The following UPP1 variants were observed in gnomAD, a reference collection of about 807,000 sequenced individuals.
UPP1 encodes the protein UPase 1.
Under a neutral mutation model 29.6 loss-of-function variants are expected in UPP1, and 25 were observed. That is an observed-to-expected ratio of 0.85 (90% CI 0.62 to 1.18). The LOEUF is 1.18. Among genes scored for constraint, UPP1 ranks in the 50% most tolerant of loss-of-function variants. UPP1 has a pLI of 0.00. For synonymous variants in UPP1, 165 were observed against 159.8 expected (o/e 1.03, Z -0.25); for missense variants, 368 against 410.4 (o/e 0.90, Z 0.89).
At chr7:48,104,748 G>A (rs531737809) in intron 6 of UPP1, 5 of 152,336 alleles carry the variant, frequency 3.3e-5, no homozygotes, top group African/African-American at 9.6e-5. Flanking sequence ...ACGGCCATGA[G>A]CTGTCTCGGT....
Position 48,103,301 on chromosome 7 carries a change from G to T in UPP1, c.326G>T (p.Gly109Val). The T allele has an allele frequency of 1.2e-6, 2 of 1,613,688 alleles. No homozygotes were observed. The highest frequency in any genetic ancestry group is 1.7e-6 in the Non-Finnish European group (2 of 1,179,608). The change falls in exon 6 of 9, where the codon GGT becomes GTT. Residue 109 changes from glycine to valine, a missense_variant. Transcript: ENST00000395564. ...GGTGTTTCTCCCTGGTTCCAGCATG[G>T]TATGGGCATTCCTTCTATCTCAATC... ...KVGPVLSVSH[G>V]MGIPSISIML...
At chr7:48,107,712 G>C (rs1792844269) in intron 8 of UPP1, among the ~76,000 whole-genome samples, 2 of 152,182 alleles carry the variant, frequency 1.3e-5, no homozygotes, top group African/African-American at 4.8e-5. Context: ...CAAAATGCAG[G>C]ATTCTCAGTG....
intron 5 of UPP1, 64 bp from the exon 6 acceptor site, chr7:48,103,233 A>G (rs1792530672): frequency 5.7e-6 from 7 of 1,233,206 alleles, no homozygotes; most frequent in Non-Finnish European, 8.4e-6. Context: ...CACATGAAAC[A>G]TCAGCCAGAA....
At chr7:48,090,574 C>T (rs112159121) in intron 2 of UPP1, among the ~76,000 whole-genome samples, 64 of 152,160 alleles carry the variant, frequency 4.2e-4, no homozygotes, top group Non-Finnish European at 8.7e-4. Context: ...TTAAAAAGAC[C>T]ATTGGTTCCA....
At chr7:48,099,856 G>A in intron 4 of UPP1, 69 bp downstream of exon 4, 1 of 1,012,558 alleles carries the variant, frequency 9.9e-7, no homozygotes, top group Non-Finnish European at 1.5e-6. Context: ...TATACAGGTA[G>A]ACCAACCCAC....
At chr7:48,095,874 T>C (rs968997438) in intron 3 of UPP1, among the ~76,000 whole-genome samples, 12 of 152,198 alleles carry the variant, frequency 7.9e-5, no homozygotes, top group African/African-American at 2.9e-4. Context: ...CTCAAACTCC[T>C]GACCTCAAGT....
chr7:48,093,928 G>A (rs904012119), intron 2 of UPP1, among the ~76,000 whole-genome samples: 5 of 152,206 alleles, frequency 3.3e-5, no homozygotes, highest in African/African-American at 1.2e-4. Context: ...GGGAGGCCGA[G>A]GCTGGTGGAT....
Position 48,106,887 on chromosome 7 carries a change from A to G in UPP1, c.451A>G (p.Thr151Ala), listed in dbSNP as rs774415157. 3.7e-6 allele frequency: 6 copies of G among 1,613,778 alleles called. No homozygotes were observed. In the East Asian group the frequency reaches 6.7e-5, roughly 18 times the overall value. ...TSGGIGLEPG[T>A]VVITEQAVDT... ...TTTTTCCTCAGGTCTGGAGCCCGGC[A>G]CTGTGGTCATAACAGAGCAGGCAGT... Residue 151 changes from threonine (T) to alanine (A), a missense_variant, in exon 7 of 9, where the codon ACT becomes GCT. Thr to Ala is a moderately conservative substitution (Grantham distance 58). Coordinates refer to ENST00000395564, the MANE Select transcript of UPP1 (RefSeq NM_003364.4).
chr7:48,103,519 G>T lies in UPP1; in HGVS notation c.436+108G>T. On this transcript the variant is annotated intron_variant, in intron 6 of 8. Transcript: ENST00000395564. ...TTAGAGACAAAGAGTTCCTTTCTTG[G>T]CTTTGTTCAAGGGAAGCTTGTTAAC... 2.8e-6 allele frequency: 3 copies of T among 1,079,736 alleles called. No individual in the cohort carries two copies. In the South Asian group the frequency reaches 3.9e-5, roughly 14 times the overall value. 66.9% of individuals were successfully genotyped at this position (1,079,736 alleles called of 1,614,324 possible). A position where few individuals can be genotyped will look rare whatever the true frequency, so the allele number is the denominator to read the frequency against.
At chr7:48,089,067 G>A (rs1034470495), upstream of UPP1, 1 of 151,748 alleles carries the variant, frequency 6.6e-6, no homozygotes, top group Non-Finnish European at 1.5e-5. Context: ...GGGTGGAGAG[G>A]AGGAAGGCGG....
chr7:48,103,468 C>A, intron 6 of UPP1, 57 bp downstream of exon 6: 2 of 1,433,704 alleles, frequency 1.4e-6, no homozygotes, highest in African/African-American at 2.8e-5. Context: ...TGGGGCATGC[C>A]AAGGCAGCTT....
At chr7:48,107,270 G>A (rs1433490248) in intron 7 of UPP1, 91 bp from the exon 8 acceptor site, 17 of 1,511,666 alleles carry the variant, frequency 1.1e-5, no homozygotes, top group Admixed American at 5.6e-5. Context: ...GGTCTTGCTT[G>A]TCCCTGTGTC....
rs1391584940 is a variant in UPP1, at chr7:48,107,446, C to T, written c.732C>T (p.Val244=). The T allele has an allele frequency of 6.2e-7, 1 of 1,614,190 alleles. No homozygotes were observed. Among genetic ancestry groups the T allele is most frequent in the Admixed American group, 1.7e-5 (1 of 60,032 alleles). ...TGGAGGCAGCCTATGCAGCCGGCGT[C>T]CGCAATATCGAGATGGAGTCCTCGG... ...AYLEAAYAAG[V]RNIEMESSVF... Residue 244 remains valine (V), a synonymous_variant, in exon 8 of 9, where the codon GTC becomes GTT. Coordinates refer to ENST00000395564, the MANE Select transcript of UPP1 (RefSeq NM_003364.4).
chr7:48,099,760 T>A lies in UPP1; in HGVS notation c.135T>A (p.Asn45Lys). Residue 45 changes from asparagine to lysine, a missense_variant, in exon 4 of 9, where the codon AAT (asparagine) becomes AAA (lysine). Asn to Lys is a moderately conservative substitution (Grantham distance 94). Transcript: ENST00000395564. The part of the protein sequence containing the change: ...YHFNLTTSRH[N>K]FPALFGDVKF... Reference sequence around the variant, plus strand: ...TCAATCTCACCACTAGCAGACACAATTTCCCAGCCTTGTTTGGAGATGTGA... The same window carrying A: ...TCAATCTCACCACTAGCAGACACAAATTCCCAGCCTTGTTTGGAGATGTGA... 6.2e-7 allele frequency: 1 copy of A among 1,612,952 alleles called. No homozygotes were observed. The highest frequency in any genetic ancestry group is 8.5e-7 in the Non-Finnish European group (1 of 1,178,914).
At chr7:48,103,944 G>T (rs1379276379) in intron 6 of UPP1, 8 of 1,255,792 alleles carry the variant, frequency 6.4e-6, no homozygotes, top group Non-Finnish European at 8.2e-6. Flanking sequence ...GGTTGGCCGG[G>T]CGCGGTGGCT....
intron 3 of UPP1, among the ~76,000 whole-genome samples, chr7:48,098,190 T>C (rs1289209254): frequency 6.6e-6 from 1 of 152,210 alleles, no homozygotes; most frequent in Non-Finnish European, 1.5e-5. Flanking sequence ...ATGTTTTCTA[T>C]ATCAGCCTTT....
chr7:48,095,653 T>TC (rs1280310996), intron 3 of UPP1, among the ~76,000 whole-genome samples: 1 of 152,158 alleles, frequency 6.6e-6, no homozygotes, highest in East Asian at 1.9e-4. Flanking sequence ...CAGTGATTTT[T>TC]TTTTTTTGAG....
rs747058949 is a variant in UPP1, at chr7:48,107,053, A to G, written c.617A>G (p.Asn206Ser). ...AGCGAGTTCACCACAGTGGTGGGGA[A>G]CACCATGTGCACCTTGGACTTCTAT... is the stretch of plus-strand genomic sequence containing the variant. ...ELSEFTTVVGNTMCTLDFYEG... is the reference protein window; with the variant it reads ...ELSEFTTVVGSTMCTLDFYEG... Residue 206 changes from asparagine (N) to serine (S), a missense_variant, in exon 7 of 9, where the codon AAC becomes AGC. Physicochemically the swap from Asn to Ser is conservative, Grantham distance 46 (BLOSUM62 1). Transcript: ENST00000395564. 34 of 1,612,116 alleles carry G rather than the reference A, an allele frequency of 2.1e-5. No individual in the cohort carries two copies. Among genetic ancestry groups the G allele is most frequent in the Non-Finnish European group, 2.9e-5 (34 of 1,179,900 alleles).
At chr7:48,102,782 G>A (rs1173718884) in intron 5 of UPP1, among the ~76,000 whole-genome samples, 4 of 152,160 alleles carry the variant, frequency 2.6e-5, no homozygotes, top group Admixed American at 1.3e-4. Flanking sequence ...AGGAGAGCAG[G>A]AGAAGGAGGT....
Sources: gnomAD v4.1 joint callset for allele counts (sites outside exome capture counted in the v4.1 genomes callset) on GRCh38, gnomAD v4.1.1 for gene constraint, MANE v1.5 for transcripts, NCBI Gene and HGNC (gene_info 2026-07-23, HGNC 2026-07-21) for gene names.